CDH8: variants seen among roughly 807,000 people sequenced by gnomAD.
CDH8 encodes cadherin-8.
A neutral mutation model predicts 68.1 loss-of-function variants in CDH8; 17 were observed. The observed-to-expected ratio is 0.25, with a 90% CI of 0.17 to 0.37. The LOEUF is 0.37. Ranked by LOEUF, CDH8 falls within the 10% of genes least tolerant of loss-of-function variation. The pLI, the probability that CDH8 is intolerant of heterozygous loss-of-function variation, is 1.00. For missense variants in CDH8, 763 were observed against 999.3 expected (o/e 0.76, Z 3.19); for synonymous variants, 372 against 365.1 (o/e 1.02, Z -0.21).
chr16:61,730,209 C>G (rs1959496253), intron 8 of CDH8, among the ~76,000 whole-genome samples: 1 of 151,424 alleles, frequency 6.6e-6, no homozygotes, highest in Admixed American at 6.6e-5. Context: ...TGAACAAACT[C>G]CATCAGCTTC....
chr16:61,910,706 G>T (rs1485109038), intron 2 of CDH8, among the ~76,000 whole-genome samples: 5 of 152,026 alleles, frequency 3.3e-5, no homozygotes, highest in African/African-American at 1.2e-4. Context: ...CAAATAAAAA[G>T]GCATATAGGG....
chr16:61,879,368 G>C (rs1473845638), intron 3 of CDH8, among the ~76,000 whole-genome samples: 1 of 152,194 alleles, frequency 6.6e-6, no homozygotes, highest in African/African-American at 2.4e-5. Context: ...TTTGGTTCAT[G>C]TAGAAAGACT....
At chr16:61,841,644 T>C (rs974183120) in intron 4 of CDH8, among the ~76,000 whole-genome samples, 4 of 152,130 alleles carry the variant, frequency 2.6e-5, no homozygotes, top group African/African-American at 9.7e-5. Flanking sequence ...ATAACTTAAT[T>C]GTACATTTTA....
chr16:61,909,210 C>T (rs1964118674), intron 2 of CDH8, among the ~76,000 whole-genome samples: 2 of 152,092 alleles, frequency 1.3e-5, no homozygotes, highest in Admixed American at 1.3e-4. Context: ...GAGCGTTGAA[C>T]AGCTTGACCT....
intron 2 of CDH8, among the ~76,000 whole-genome samples, chr16:61,931,842 C>T (rs1027257274): frequency 1.3e-5 from 2 of 152,074 alleles, no homozygotes; most frequent in East Asian, 1.9e-4. Context: ...CAAACATGTT[C>T]GAGGGAGCTC....
intron 8 of CDH8, among the ~76,000 whole-genome samples, chr16:61,729,734 A>G (rs1436423759): frequency 6.6e-6 from 1 of 151,432 alleles, no homozygotes; most frequent in Non-Finnish European, 1.5e-5. Context: ...TAAATATTCA[A>G]TTAATAAATA....
chr16:61,739,540 A>G (rs1959800491), intron 8 of CDH8, among the ~76,000 whole-genome samples: 1 of 152,028 alleles, frequency 6.6e-6, no homozygotes, highest in Middle Eastern at 3.4e-3. Context: ...TATATGTAAT[A>G]TATAACATAG....
intron 4 of CDH8, among the ~76,000 whole-genome samples, chr16:61,835,604 C>T (rs1052387285): frequency 2.0e-5 from 3 of 151,874 alleles, no homozygotes; most frequent in African/African-American, 7.3e-5. Context: ...GAAATACTTC[C>T]AATTATTCCT....
chr16:61,842,900 G>T (rs1343680200), intron 4 of CDH8, among the ~76,000 whole-genome samples: 1 of 152,128 alleles, frequency 6.6e-6, no homozygotes, highest in African/African-American at 2.4e-5. Context: ...ATGGTTGCAT[G>T]GAAAAATGAG....
chr16:61,796,564 G>T (rs1232495379), intron 7 of CDH8, among the ~76,000 whole-genome samples: 1 of 152,044 alleles, frequency 6.6e-6, no homozygotes, highest in Non-Finnish European at 1.5e-5. Flanking sequence ...AATAGATATA[G>T]TTTAGAAACT....
At chr16:61,824,184 A>C (rs181850339) in intron 5 of CDH8, among the ~76,000 whole-genome samples, 1 of 151,884 alleles carries the variant, frequency 6.6e-6, no homozygotes. Context: ...AAGGAAAAAA[A>C]GCCCTGCCTG....
chr16:61,807,925 A>G (rs973645805), intron 7 of CDH8, among the ~76,000 whole-genome samples: 2 of 152,210 alleles, frequency 1.3e-5, no homozygotes, highest in Non-Finnish European at 2.9e-5. Context: ...CTTTCATTTC[A>G]GACTCCATCT....
At chr16:61,977,348 A>G (rs183427472) in intron 2 of CDH8, among the ~76,000 whole-genome samples, 71 of 152,290 alleles carry the variant, frequency 4.7e-4, no homozygotes, top group Non-Finnish European at 6.8e-4. Flanking sequence ...TGTAGGGGAA[A>G]CAGTACTATA....
intron 2 of CDH8, among the ~76,000 whole-genome samples, chr16:61,939,709 T>A (rs765204129): frequency 4.6e-5 from 7 of 152,208 alleles, no homozygotes; most frequent in Non-Finnish European, 8.8e-5. Context: ...AATGATGGGC[T>A]ATGCAAATAG....
chr16:61,967,516 A>G (rs1389838784), intron 2 of CDH8, among the ~76,000 whole-genome samples: 1 of 152,220 alleles, frequency 6.6e-6, no homozygotes, highest in Non-Finnish European at 1.5e-5. Context: ...ATTTGCATAT[A>G]CATACAGAGC....
intron 2 of CDH8, among the ~76,000 whole-genome samples, chr16:62,015,850 G>A (rs1415404315): frequency 6.6e-6 from 1 of 152,032 alleles, no homozygotes; most frequent in East Asian, 1.9e-4. Flanking sequence ...ACTGGAAAAG[G>A]GCTCTCACCA....
chr16:61,835,091 T>A (rs953422520), intron 4 of CDH8, among the ~76,000 whole-genome samples: 3 of 151,974 alleles, frequency 2.0e-5, no homozygotes, highest in Non-Finnish European at 4.4e-5. Flanking sequence ...TATCCCAGCA[T>A]CTTAATATGA....
chr16:61,718,598 T>A (rs8046775), intron 9 of CDH8, among the ~76,000 whole-genome samples: 2 of 150,978 alleles, frequency 1.3e-5, no homozygotes, highest in Non-Finnish European at 3.0e-5. Context: ...TATTATTATC[T>A]CCACTTTATT....
chr16:61,979,224 G>A (rs2150581541), intron 2 of CDH8, among the ~76,000 whole-genome samples: 1 of 152,190 alleles, frequency 6.6e-6, no homozygotes, highest in East Asian at 1.9e-4. Flanking sequence ...AGGACTTTTG[G>A]GATTGGAGGA....
Sources: allele counts gnomAD v4.1 joint callset (sites outside exome capture counted in the v4.1 genomes callset), GRCh38; gene constraint gnomAD v4.1.1; transcripts MANE v1.5; gene names NCBI Gene and HGNC (gene_info 2026-07-23, HGNC 2026-07-21).